The following PLOD2 variants were observed in gnomAD, a reference collection of about 807,000 sequenced individuals.
PLOD2 encodes procollagen-lysine,2-oxoglutarate 5-dioxygenase 2.
In PLOD2, 65 loss-of-function variants were observed where a neutral mutation model predicts 101.0. The observed-to-expected ratio is 0.64, with a 90% CI of 0.53 to 0.79. PLOD2 has a LOEUF of 0.79. Ranked by LOEUF, PLOD2 falls within the 30% of genes least tolerant of loss-of-function variation. PLOD2 has a pLI of 0.00. For synonymous variants in PLOD2, 314 were observed against 302.9 expected, an observed-to-expected ratio of 1.04 and a Z score of -0.38; for missense variants, 909 against 914.6, an observed-to-expected ratio of 0.99 and a Z score of 0.08.
At chr3:146,123,343 TAAGTAAATAA>T in intron 2 of PLOD2, 1 of 1,004,846 alleles carries the variant, frequency 1.0e-6, no homozygotes, top group Non-Finnish European at 1.3e-6. Flanking sequence ...AAAAAACAAG[TAAGTAAATAA>T]AATGGCAGGC....
intron 2 of PLOD2, chr3:146,123,241 G>GT (rs1199357185): frequency 7.0e-6 from 7 of 1,000,306 alleles, no homozygotes; most frequent in East Asian, 8.2e-5. Flanking sequence ...TAAAAAAAAA[G>GT]TTTTTTGCTT....
At chr3:146,094,834 G>GT (rs1559844835) in intron 7 of PLOD2, among the ~76,000 whole-genome samples, 1 of 152,060 alleles carries the variant, frequency 6.6e-6, no homozygotes, top group Non-Finnish European at 1.5e-5. Context: ...TACAAGGCTA[G>GT]AGTAACCAAA....
chr3:146,128,541 T>A (rs1613698), intron 1 of PLOD2, among the ~76,000 whole-genome samples: 78,368 of 151,982 alleles, frequency 0.52, 20,308 homozygotes, highest in Middle Eastern at 0.57. Flanking sequence ...TGCCTATCAC[T>A]ACAGTAAGAT....
rs549346554 is a variant in PLOD2 at position 146,127,814 on chromosome 3, A to G, written c.110-3585T>C. Reference sequence around the variant, plus strand: ...GTGAAAATCAAAGCCACAATGAGATACCATTTCACACCAGTCAGAATGGCT... The same window carrying G: ...GTGAAAATCAAAGCCACAATGAGATGCCATTTCACACCAGTCAGAATGGCT... On this transcript the variant is annotated intron_variant, in intron 1 of 19. Coordinates refer to ENST00000282903, the MANE Select transcript of PLOD2 (RefSeq NM_182943.3). Among the ~76,000 whole-genome samples, 22 of 152,258 alleles carry G rather than the reference A, an allele frequency of 1.4e-4. No homozygotes were observed. The South Asian group carries it at 4.6e-3, about 32-fold the overall frequency.
chr3:146,100,929 T>G (rs921174968), intron 7 of PLOD2, among the ~76,000 whole-genome samples: 1 of 152,130 alleles, frequency 6.6e-6, no homozygotes, highest in Non-Finnish European at 1.5e-5. Context: ...TGATTGCTAC[T>G]AGAAGGAGGT....
chr3:146,131,423 T>C (rs2030902260), intron 1 of PLOD2, among the ~76,000 whole-genome samples: 1 of 152,220 alleles, frequency 6.6e-6, no homozygotes, highest in Non-Finnish European at 1.5e-5. Flanking sequence ...CTGAAAGAGG[T>C]ACTATGGGGA....
chr3:146,073,835 C>G (rs757058406), intron 15 of PLOD2, among the ~76,000 whole-genome samples: 26 of 151,426 alleles, frequency 1.7e-4, no homozygotes, highest in Non-Finnish European at 3.7e-4. Context: ...AAAATTCTAC[C>G]AACAAGTATT....
chr3:146,134,880 C>T (rs754854082), intron 1 of PLOD2, among the ~76,000 whole-genome samples: 4 of 152,036 alleles, frequency 2.6e-5, no homozygotes, highest in Non-Finnish European at 5.9e-5. Flanking sequence ...TTCTTCATAA[C>T]GGAAAATAAA....
chr3:146,099,450 G>A (rs1937310266), intron 7 of PLOD2, among the ~76,000 whole-genome samples: 1 of 152,160 alleles, frequency 6.6e-6, no homozygotes, highest in Non-Finnish European at 1.5e-5. Context: ...AGGCTGGAGT[G>A]CAATGGCCCG....
At chr3:146,116,452 T>C (rs375166001) in intron 3 of PLOD2, among the ~76,000 whole-genome samples, 132 of 152,304 alleles carry the variant, frequency 8.7e-4, no homozygotes, top group African/African-American at 3.0e-3. Flanking sequence ...CTGGCATTCC[T>C]GGGATAAATC....
chr3:146,144,848 C>G (rs373221508), intron 1 of PLOD2, among the ~76,000 whole-genome samples: 1 of 78,292 alleles, frequency 1.3e-5, no homozygotes, highest in Non-Finnish European at 2.5e-5. Flanking sequence ...TGAAGATATA[C>G]AAACAAAAAA....
chr3:146,096,665 A>C (rs1339963954), intron 7 of PLOD2, among the ~76,000 whole-genome samples: 2 of 126,340 alleles, frequency 1.6e-5, no homozygotes, highest in Non-Finnish European at 3.4e-5. Context: ...CCCGTCTGAG[A>C]AGTGAGGAGC....
chr3:146,149,018 T>G (rs1248409692), intron 1 of PLOD2, among the ~76,000 whole-genome samples: 3 of 152,236 alleles, frequency 2.0e-5, no homozygotes, highest in Non-Finnish European at 4.4e-5. Flanking sequence ...ACCAAATTTC[T>G]GTTCAGGGAA....
intron 7 of PLOD2, among the ~76,000 whole-genome samples, chr3:146,095,879 TC>T (rs1937133572): frequency 8.6e-6 from 1 of 116,364 alleles, no homozygotes; most frequent in Non-Finnish European, 1.8e-5. Flanking sequence ...CTCTCCCCTC[TC>T]CCCTCTCCCC....
chr3:146,110,181 G>C, intron 4 of PLOD2, 104 bp downstream of exon 4: 1 of 942,412 alleles, frequency 1.1e-6, no homozygotes, highest in Non-Finnish European at 1.7e-6. Context: ...AATAAAATAA[G>C]GGTTATTTAA....
intron 14 of PLOD2, 53 bp from the exon 15 acceptor site, chr3:146,076,948 T>C: frequency 7.2e-7 from 1 of 1,390,476 alleles, no homozygotes; most frequent in Non-Finnish European, 1.0e-6. Flanking sequence ...CAAAAGTAAA[T>C]TTAATCATAG....
chr3:146,089,523 C>A (rs1261009772), intron 8 of PLOD2, among the ~76,000 whole-genome samples: 2 of 151,566 alleles, frequency 1.3e-5, no homozygotes, highest in Non-Finnish European at 3.0e-5. Context: ...CTTACTAAAG[C>A]CATGTCTTAA....
intron 7 of PLOD2, among the ~76,000 whole-genome samples, 181 bp downstream of exon 7, chr3:146,102,574 C>A (rs1017318070): frequency 1.3e-5 from 2 of 152,132 alleles, no homozygotes; most frequent in African/African-American, 4.8e-5. Context: ...GAGGAAAAAT[C>A]AGTTTGATTA....
At chr3:146,129,198 G>A (rs1039498503) in intron 1 of PLOD2, among the ~76,000 whole-genome samples, 7 of 152,032 alleles carry the variant, frequency 4.6e-5, no homozygotes, top group African/African-American at 2.4e-5. Context: ...CGTAGTAAAA[G>A]CATAATAGAG....
Sources: gnomAD v4.1 joint callset for allele counts (sites outside exome capture counted in the v4.1 genomes callset) on GRCh38, gnomAD v4.1.1 for gene constraint, MANE v1.5 for transcripts, NCBI Gene and HGNC (gene_info 2026-07-23, HGNC 2026-07-21) for gene names.